The following UTP18 variants were observed in gnomAD, a reference collection of about 807,000 sequenced individuals.
UTP18 encodes U3 small nucleolar RNA-associated protein 18 homolog.
In UTP18, 36 loss-of-function variants were observed where a neutral mutation model predicts 61.1. The ratio of observed to expected loss-of-function variants is 0.59; its 90% CI spans 0.45 to 0.78. UTP18 has a LOEUF of 0.78. Ranked by LOEUF, UTP18 falls within the 30% of genes least tolerant of loss-of-function variation. The pLI, the probability that UTP18 is intolerant of heterozygous loss-of-function variation, is 0.00. For synonymous variants in UTP18, 282 were observed against 251.1 expected (o/e 1.12, Z -1.16); for missense variants, 753 against 693.9 (o/e 1.09, Z -0.96).
At chr17:51,273,890 CTT>C (rs1904625038) in intron 5 of UTP18, among the ~76,000 whole-genome samples, 1 of 152,184 alleles carries the variant, frequency 6.6e-6, no homozygotes, top group Non-Finnish European at 1.5e-5. Context: ...TGACTGGACT[CTT>C]TACTTCTACT....
At chr17:51,279,572 G>A (rs1904844600) in intron 7 of UTP18, among the ~76,000 whole-genome samples, 1 of 151,974 alleles carries the variant, frequency 6.6e-6, no homozygotes, top group Non-Finnish European at 1.5e-5. Flanking sequence ...TTAGTAAGTG[G>A]CCAGCAGCTA....
At chr17:51,289,291 G>A (rs1256444759) in intron 11 of UTP18, among the ~76,000 whole-genome samples, 3 of 151,572 alleles carry the variant, frequency 2.0e-5, no homozygotes, top group Admixed American at 1.3e-4. Flanking sequence ...CCGCCTCCTG[G>A]GTTCAAGCGA....
intron 5 of UTP18, 42 bp from the exon 6 acceptor site, chr17:51,275,824 A>G (rs912623111): frequency 1.3e-6 from 2 of 1,530,348 alleles, no homozygotes; most frequent in Non-Finnish European, 1.8e-6. Flanking sequence ...AATAATGTTT[A>G]TTCATTTCAA....
Position 51,288,021 on chromosome 17 carries a change from C to T in UTP18, c.1329-8C>T. 1 of 1,558,632 alleles carries T rather than the reference C, an allele frequency of 6.4e-7. No homozygotes were observed. Among genetic ancestry groups the T allele is most frequent in the Non-Finnish European group, 8.6e-7 (1 of 1,159,868 alleles). On this transcript the variant is annotated splice_region_variant and splice_polypyrimidine_tract_variant and intron_variant, in intron 10 of 13. Transcript: ENST00000225298. The stretch of plus-strand genomic sequence containing the variant: ...TTTTAATCTATTTTAATCCTTTTCT[C>T]TTTGTAGTTCTAATTGTGGAGTGGT...
intron 1 of UTP18, among the ~76,000 whole-genome samples, chr17:51,261,461 AACC>A (rs2055479717): frequency 6.6e-6 from 1 of 152,184 alleles, no homozygotes; most frequent in Non-Finnish European, 1.5e-5. Flanking sequence ...GGCAATGGCA[AACC>A]CTGCGTGATT....
intron 11 of UTP18, among the ~76,000 whole-genome samples, chr17:51,290,987 G>A (rs1274725433): frequency 6.6e-6 from 1 of 152,126 alleles, no homozygotes; most frequent in East Asian, 1.9e-4. Context: ...CTGTTACATC[G>A]ACAATTTTGG....
intron 4 of UTP18, among the ~76,000 whole-genome samples, chr17:51,270,691 G>A (rs1314364026): frequency 6.6e-6 from 1 of 152,120 alleles, no homozygotes; most frequent in Non-Finnish European, 1.5e-5. Flanking sequence ...AGAAAGAGGG[G>A]ATTTTTATTG....
intron 2 of UTP18, among the ~76,000 whole-genome samples, chr17:51,264,774 CCAGGT>C (rs1053767294): frequency 6.6e-6 from 1 of 151,820 alleles, no homozygotes; most frequent in Non-Finnish European, 1.5e-5. Flanking sequence ...CCTCCGCCTC[CCAGGT>C]TCAAGCGATT....
chr17:51,281,501 TTTATA>T (rs1393577774), intron 9 of UTP18, among the ~76,000 whole-genome samples: 1 of 152,180 alleles, frequency 6.6e-6, no homozygotes, highest in Non-Finnish European at 1.5e-5. Context: ...TACAGTTTCA[TTTATA>T]TTAACATTCT....
Position 51,275,911 on chromosome 17 carries a change from C to A in UTP18, c.757C>A (p.Arg253=). Residue 253 remains arginine (R), a synonymous_variant, in exon 6 of 14, where the codon CGG becomes AGG. Transcript: ENST00000225298. ...HANAERPTVA[R]ISSVQFHPGA... is the part of the protein sequence containing the mutation. ...GAATGCTGAACGTCCTACTGTTGCT[C>A]GGATCTCATCTGTGCAGTTCCATCC... is the stretch of plus-strand genomic sequence containing the variant. The A allele has an allele frequency of 6.2e-7, 1 of 1,611,728 alleles. No individual in the cohort carries two copies. Among genetic ancestry groups the A allele is most frequent in the African/African-American group, 1.3e-5 (1 of 74,876 alleles).
At chr17:51,265,266 CTTT>C (rs1055221855) in intron 2 of UTP18, among the ~76,000 whole-genome samples, 3 of 140,032 alleles carry the variant, frequency 2.1e-5, no homozygotes, top group Non-Finnish European at 3.1e-5. Context: ...AAGGTTTGCT[CTTT>C]TTTTTTTTTT....
intron 13 of UTP18, among the ~76,000 whole-genome samples, chr17:51,297,487 T>C (rs955014668): frequency 1.1e-4 from 17 of 152,232 alleles, no homozygotes; most frequent in Admixed American, 2.6e-4. Context: ...TCTCATGGTG[T>C]CCTTTCAGGC....
intron 2 of UTP18, among the ~76,000 whole-genome samples, chr17:51,265,876 T>G (rs892122291): frequency 3.3e-5 from 5 of 152,210 alleles, no homozygotes; most frequent in Admixed American, 6.5e-5. Context: ...GTTTGCTCTT[T>G]ATGTATTTAA....
rs766820307 is a variant in UTP18 at position 51,288,025 on chromosome 17, G to C, written c.1329-4G>C. On this transcript the variant is annotated splice_region_variant and splice_polypyrimidine_tract_variant and intron_variant, in intron 10 of 13. Coordinates refer to ENST00000225298, the MANE Select transcript of UTP18 (RefSeq NM_016001.3). The stretch of plus-strand genomic sequence containing the variant: ...AATCTATTTTAATCCTTTTCTCTTT[G>C]TAGTTCTAATTGTGGAGTGGTAAAT... 3.2e-6 allele frequency: 5 copies of C among 1,562,524 alleles called. No individual in the cohort carries two copies. In the South Asian group the frequency reaches 6.2e-5, roughly 19 times the overall value.
chr17:51,279,964 C>G (rs762111361), intron 7 of UTP18, 41 bp from the exon 8 acceptor site: 3 of 1,470,836 alleles, frequency 2.0e-6, no homozygotes, highest in Non-Finnish European at 2.8e-6. Flanking sequence ...TTATTGAAAA[C>G]TATATAAAAC....
At chr17:51,276,048 GA>G (rs2144413470) in intron 6 of UTP18, 57 bp downstream of exon 6, 1 of 1,525,808 alleles carries the variant, frequency 6.6e-7, no homozygotes, top group East Asian at 2.4e-5. Context: ...TTAAGGACCA[GA>G]CATTTGCAAC....
chr17:51,285,061 CAAAAA>C, intron 9 of UTP18, among the ~76,000 whole-genome samples, 179 bp from the exon 10 acceptor site: 1 of 109,156 alleles, frequency 9.2e-6, no homozygotes, highest in East Asian at 2.6e-4. Context: ...AACTGCATCT[CAAAAA>C]AAAAAAAAGG....
intron 7 of UTP18, among the ~76,000 whole-genome samples, chr17:51,278,501 G>A (rs1363528617): frequency 6.6e-6 from 1 of 152,244 alleles, no homozygotes; most frequent in Non-Finnish European, 1.5e-5. Flanking sequence ...GATACAGTTA[G>A]TGATCTTTAC....
intron 3 of UTP18, among the ~76,000 whole-genome samples, chr17:51,267,681 A>G (rs780728813): frequency 6.6e-6 from 1 of 152,132 alleles, no homozygotes; most frequent in African/African-American, 2.4e-5. Context: ...TGTGTACCAG[A>G]CACTGCCCCT....
Sources: allele counts gnomAD v4.1 joint callset (sites outside exome capture counted in the v4.1 genomes callset), GRCh38; gene constraint gnomAD v4.1.1; transcripts MANE v1.5; gene names NCBI Gene and HGNC (gene_info 2026-07-23, HGNC 2026-07-21).